The following TNFRSF1B variants were observed in gnomAD, a reference collection of about 807,000 sequenced individuals.
TNFRSF1B encodes the protein TNF receptor superfamily member 1B.
Under a neutral mutation model 44.6 loss-of-function variants are expected in TNFRSF1B, and 19 were observed. The ratio of observed to expected loss-of-function variants is 0.43; its 90% CI spans 0.30 to 0.62. TNFRSF1B has a LOEUF of 0.62. Ranked by LOEUF, TNFRSF1B falls within the 20% of genes least tolerant of loss-of-function variation. TNFRSF1B has a pLI of 0.16. For synonymous variants in TNFRSF1B, 252 were observed against 261.1 expected, an observed-to-expected ratio of 0.97 and a Z score of 0.34; for missense variants, 541 against 619.9, an observed-to-expected ratio of 0.87 and a Z score of 1.35.
chr1:12,173,183 C>T (rs755885990), intron 1 of TNFRSF1B, among the ~76,000 whole-genome samples: 1 of 152,168 alleles, frequency 6.6e-6, no homozygotes, highest in African/African-American at 2.4e-5. Context: ...TGGGCCTAAG[C>T]ATCCCTATCT....
rs528562075 is a variant in TNFRSF1B, at chr1:12,186,723, G to A, written c.79-2073G>A. ...CCACATGACTGCAGCTGGCAGTACA[G>A]TGGGGAGTGCGCCAGCCCTGGCTCT... On this transcript the variant is annotated intron_variant, in intron 1 of 9. Transcript: ENST00000376259. The surrounding 1 kb of genome is among the most constrained non-coding windows in gnomAD (Gnocchi z 4.8). 8.5e-5 allele frequency among the ~76,000 whole-genome samples: 13 copies of A among 152,368 alleles called. No homozygotes were observed. The highest frequency in any genetic ancestry group is 8.5e-4 in the Admixed American group (13 of 15,310).
intron 3 of TNFRSF1B, 106 bp from the exon 4 acceptor site, chr1:12,191,668 C>T (rs751515809): frequency 8.0e-5 from 119 of 1,480,020 alleles, no homozygotes; most frequent in Non-Finnish European, 1.0e-4. Flanking sequence ...AGGCGGTCCG[C>T]CAGCCTCCTG....
At chr1:12,191,619 C>A (rs887958650) in intron 3 of TNFRSF1B, 155 bp from the exon 4 acceptor site, 4 of 851,466 alleles carry the variant, frequency 4.7e-6, no homozygotes, top group Non-Finnish European at 7.6e-6. Context: ...GCCGGTCCTG[C>A]CCCTGGACTC....
intron 1 of TNFRSF1B, among the ~76,000 whole-genome samples, chr1:12,175,053 C>T (rs756638739): frequency 6.6e-6 from 1 of 152,204 alleles, no homozygotes; most frequent in African/African-American, 2.4e-5. Context: ...AGAATCAGTG[C>T]GCCTGAGTGG....
rs55651536 is a variant in TNFRSF1B at position 12,207,914 on chromosome 1, GAAAAA to G, written c.*900_*904del. The G allele has an allele frequency of 6.7e-6, 1 of 148,686 alleles. No homozygotes were observed. Among genetic ancestry groups the G allele is most frequent in the Non-Finnish European group, 1.5e-5 (1 of 67,064 alleles). The allele number at this position is 148,686 out of a possible 1,614,324, so 9.2% of individuals were successfully genotyped here. On this transcript the variant is annotated 3_prime_UTR_variant, in exon 10 of 10. Transcript: ENST00000376259. ...GACAGAGCGAGAGTCTGTCTCAAAA[GAAAAA>G]AAAAAGCACCGCCTCCAAATGCCAA...
At chr1:12,201,166 A>G (rs1417764968) in intron 8 of TNFRSF1B, among the ~76,000 whole-genome samples, 2 of 150,270 alleles carry the variant, frequency 1.3e-5, no homozygotes, top group African/African-American at 4.9e-5. Context: ...AGGTTGAGGC[A>G]GGAGGATCAC....
chr1:12,193,004 A>G lies in TNFRSF1B; in HGVS notation c.693A>G (p.Pro231=). Residue 231 remains proline (P), a synonymous_variant, in exon 6 of 10, where the codon CCA becomes CCG. Coordinates refer to ENST00000376259, the MANE Select transcript of TNFRSF1B (RefSeq NM_001066.3). ...STRSQHTQPT[P]EPSTAPSTSF... ...GATCCCAACACACGCAGCCAACTCC[A>G]GAACCCAGCACTGCTCCAAGCACCT... 8 of 1,614,214 alleles carry G rather than the reference A, an allele frequency of 5.0e-6. No individual in the cohort carries two copies. Among genetic ancestry groups the G allele is most frequent in the Non-Finnish European group, 6.8e-6 (8 of 1,180,040 alleles).
chr1:12,182,000 G>A (rs1263193512), intron 1 of TNFRSF1B, among the ~76,000 whole-genome samples: 1 of 152,202 alleles, frequency 6.6e-6, no homozygotes, highest in Non-Finnish European at 1.5e-5. Flanking sequence ...AGAAACTGAG[G>A]CACAGAGAAC....
At chr1:12,196,532 C>G (rs1639268220) in intron 8 of TNFRSF1B, among the ~76,000 whole-genome samples, 1 of 152,142 alleles carries the variant, frequency 6.6e-6, no homozygotes, top group African/African-American at 2.4e-5. Context: ...CTGGGCAGCC[C>G]AATACCCGAA....
chr1:12,198,145 A>G (rs569630198), intron 8 of TNFRSF1B, among the ~76,000 whole-genome samples: 72 of 150,008 alleles, frequency 4.8e-4, no homozygotes, highest in African/African-American at 1.5e-3. Flanking sequence ...AAAAAAACCA[A>G]TATGTGAGCT....
chr1:12,206,541 T>G (rs1055993147), intron 9 of TNFRSF1B, among the ~76,000 whole-genome samples, 199 bp from the exon 10 acceptor site: 1 of 152,144 alleles, frequency 6.6e-6, no homozygotes, highest in African/African-American at 2.4e-5. Flanking sequence ...GCTATTCTTA[T>G]TCGGCAGAGG....
At chr1:12,188,740 C>T (rs1285089305) in intron 1 of TNFRSF1B, 56 bp from the exon 2 acceptor site, 1 of 1,526,914 alleles carries the variant, frequency 6.5e-7, no homozygotes, top group South Asian at 1.1e-5. Context: ...GGGCATCAGG[C>T]ATGGCAGAAC....
rs146019109 is a variant in TNFRSF1B at position 12,180,585 on chromosome 1, C to G, written c.79-8211C>G. Among the ~76,000 whole-genome samples, 1 of 152,220 alleles carries G rather than the reference C, an allele frequency of 6.6e-6. No individual in the cohort carries two copies. The highest frequency in any genetic ancestry group is 1.5e-5 in the Non-Finnish European group (1 of 68,034). On this transcript the variant is annotated intron_variant, in intron 1 of 9. Transcript: ENST00000376259. The surrounding 1 kb of genome is among the most constrained non-coding windows in gnomAD (Gnocchi z 4.3). The stretch of plus-strand genomic sequence containing the variant: ...CCTGGCCACCTGGCCCTGCCCCTTA[C>G]CAGCTAAGGGCTCCAGCAGAGTCCT...
At chr1:12,192,619 T>C (rs1639171104) in intron 5 of TNFRSF1B, 95 bp downstream of exon 5, 1 of 1,247,746 alleles carries the variant, frequency 8.0e-7, no homozygotes, top group African/African-American at 1.5e-5. Flanking sequence ...CCAACCACCA[T>C]TGTCCAGACT....
intron 4 of TNFRSF1B, 151 bp from the exon 5 acceptor site, chr1:12,192,280 G>GTA: frequency 2.4e-6 from 1 of 411,184 alleles, no homozygotes; most frequent in Admixed American, 2.9e-5. Context: ...AGGCATCTGT[G>GTA]TGTGTGTGTG....
At position 12,168,156 on chromosome 1, in the gene TNFRSF1B, C is replaced by T. The variant is rs1484505262; in HGVS notation, c.78+987C>T. Among the ~76,000 whole-genome samples, 1 of 152,256 alleles carries T rather than the reference C, an allele frequency of 6.6e-6. No homozygotes were observed. On this transcript the variant is annotated intron_variant, in intron 1 of 9. Transcript: ENST00000376259. This position sits in a 1 kb window ranked among gnomAD's most constrained non-coding sequence, Gnocchi z 4.7. ...CAAAGGGGGCCTCTCCTGCCTTCGG[C>T]CCCTGTGCCCTGAGGCTGCGGGGAA...
At chr1:12,176,977 G>T (rs12568440) in intron 1 of TNFRSF1B, among the ~76,000 whole-genome samples, 1 of 141,422 alleles carries the variant, frequency 7.1e-6, no homozygotes, top group Non-Finnish European at 1.6e-5. Context: ...CCTGTCCTGA[G>T]CCCTGAGCCC....
chr1:12,201,911 A>C, intron 8 of TNFRSF1B, 56 bp from the exon 9 acceptor site: 8 of 1,522,672 alleles, frequency 5.3e-6, no homozygotes, highest in Non-Finnish European at 7.1e-6. Flanking sequence ...GAAGAGGGGA[A>C]GAAAGAGCTG....
In TNFRSF1B at chr1:12,169,552, C is replaced by T. The variant is rs544414406; in HGVS notation, c.78+2383C>T. 1.3e-5 allele frequency among the ~76,000 whole-genome samples: 2 copies of T among 152,322 alleles called. No individual in the cohort carries two copies. Among genetic ancestry groups the T allele is most frequent in the African/African-American group, 4.8e-5 (2 of 41,564 alleles). On this transcript the variant is annotated intron_variant, in intron 1 of 9. Coordinates refer to ENST00000376259, the MANE Select transcript of TNFRSF1B (RefSeq NM_001066.3). This position sits in a 1 kb window ranked among gnomAD's most constrained non-coding sequence, Gnocchi z 4.5. ...CCCTCCCCGTGCCCGTATCTGCACT[C>T]ATGCTCCCAGCCAGGCCCTCACACA...
Sources: gnomAD v4.1 joint callset for allele counts (sites outside exome capture counted in the v4.1 genomes callset) on GRCh38, gnomAD v4.1.1 for gene constraint, Gnocchi (gnomAD v3.1) non-coding constraint, MANE v1.5 for transcripts, NCBI Gene and HGNC (gene_info 2026-07-23, HGNC 2026-07-21) for gene names.